The following PRKCH variants were observed in gnomAD, a reference collection of about 807,000 sequenced individuals.
PRKCH encodes protein kinase C eta.
Under a neutral mutation model 82.5 loss-of-function variants are expected in PRKCH, and 28 were observed. The ratio of observed to expected loss-of-function variants is 0.34; its 90% confidence interval spans 0.25 to 0.47. The LOEUF (loss-of-function observed/expected upper bound fraction) is 0.47, where lower values mean the gene tolerates loss of function less well. Among genes scored for constraint, PRKCH ranks in the 20% least tolerant of loss-of-function variants. The pLI is 1.00. For synonymous variants in PRKCH, 322 were observed against 327.4 expected (o/e 0.98, Z 0.18); for missense variants, 705 against 881.8 (o/e 0.80, Z 2.54).
At chr14:61,409,150 C>A (rs1456706163) in intron 2 of PRKCH, among the ~76,000 whole-genome samples, 1 of 152,162 alleles carries the variant, frequency 6.6e-6, no homozygotes, top group Non-Finnish European at 1.5e-5. Flanking sequence ...CTGGTGAGGA[C>A]CGACTGTGCC....
At chr14:61,423,127 C>T (rs1882942849) in intron 2 of PRKCH, among the ~76,000 whole-genome samples, 2 of 152,182 alleles carry the variant, frequency 1.3e-5, no homozygotes, top group Admixed American at 1.3e-4. Flanking sequence ...ATCACTCTTA[C>T]ACCACAGTTG....
chr14:61,307,084 A>G (rs2045490104), intron 1 of PRKCH: 1 of 152,190 alleles, frequency 6.6e-6, no homozygotes, highest in South Asian at 2.1e-4. Context: ...CACTGGTACA[A>G]GATTTAACTT....
chr14:61,391,295 ATGAG>A lies in PRKCH; in HGVS notation c.427+9_427+12del, dbSNP rs1205492106. 1 of 1,605,106 alleles carries A rather than the reference ATGAG, an allele frequency of 6.2e-7. No homozygotes were observed. Among genetic ancestry groups the A allele is most frequent in the South Asian group, 1.1e-5 (1 of 89,430 alleles). ...ACCGGGAGTTTCACTGAAGGTAAGA[ATGAG>A]TTTTGGGTAGTTTCCAGAATACATG... On this transcript the variant is annotated splice_region_variant and intron_variant, in intron 2 of 13. Coordinates refer to ENST00000332981, the MANE Select transcript of PRKCH (RefSeq NM_006255.5).
chr14:61,208,581 G>A (rs1219791061), intron 1 of PRKCH, among the ~76,000 whole-genome samples: 1 of 152,116 alleles, frequency 6.6e-6, no homozygotes, highest in Non-Finnish European at 1.5e-5. Flanking sequence ...TAATTTTAAA[G>A]GTGAAAGTCT....
rs114587398 is a variant in PRKCH, at chr14:61,524,730, C to T, written c.1434-4345C>T. ...TTGTTTGAGTCACCCTCTCCATGTT[C>T]TGCTCTTCCGTTTGGATGCAAGCCA... On this transcript the variant is annotated intron_variant, in intron 10 of 13. Coordinates refer to ENST00000332981, the MANE Select transcript of PRKCH (RefSeq NM_006255.5). 1.4e-3 allele frequency among the ~76,000 whole-genome samples: 220 copies of T among 152,304 alleles called. 3 individuals are homozygous for T. The highest frequency in any genetic ancestry group is 5.2e-3 in the African/African-American group (215 of 41,558).
intron 1 of PRKCH, among the ~76,000 whole-genome samples, chr14:61,350,921 G>A (rs945619141): frequency 5.9e-5 from 9 of 152,148 alleles, no homozygotes; most frequent in African/African-American, 2.2e-4. Context: ...GACTCTCCTT[G>A]TAAGTGCCAG....
intron 9 of PRKCH, among the ~76,000 whole-genome samples, chr14:61,480,961 T>G (rs1369531430): frequency 6.6e-6 from 1 of 152,002 alleles, no homozygotes; most frequent in Non-Finnish European, 1.5e-5. Flanking sequence ...CCCTCATCCT[T>G]CTAGGCTGGG....
chr14:61,513,740 C>T (rs190911663), intron 10 of PRKCH, among the ~76,000 whole-genome samples: 19 of 152,142 alleles, frequency 1.2e-4, no homozygotes, highest in Non-Finnish European at 1.8e-4. Context: ...GTCATACTGT[C>T]AAATAGTTTC....
chr14:61,503,482 G>A (rs968333778), intron 10 of PRKCH, among the ~76,000 whole-genome samples: 6 of 152,142 alleles, frequency 3.9e-5, no homozygotes, highest in Non-Finnish European at 8.8e-5. Flanking sequence ...ACGCTCAACA[G>A]AGCTTGAGCG....
intron 10 of PRKCH, among the ~76,000 whole-genome samples, chr14:61,523,485 G>A (rs1312390947): frequency 6.6e-6 from 1 of 152,156 alleles, no homozygotes; most frequent in Non-Finnish European, 1.5e-5. Context: ...CCTTGGAGGT[G>A]AGCAGAAGTA....
chr14:61,529,348 C>T, intron 11 of PRKCH, 135 bp downstream of exon 11: 1 of 1,014,914 alleles, frequency 9.9e-7, no homozygotes. Flanking sequence ...CACCTCTAGA[C>T]TCATTTATGG....
At chr14:61,284,595 G>A (rs939399605) in intron 1 of PRKCH, among the ~76,000 whole-genome samples, 2 of 152,138 alleles carry the variant, frequency 1.3e-5, no homozygotes, top group African/African-American at 4.8e-5. Context: ...ATACATTGTC[G>A]TGTTCCTCAG....
At chr14:61,192,225 CT>C (rs1285932649) in intron 1 of PRKCH, among the ~76,000 whole-genome samples, 1 of 152,156 alleles carries the variant, frequency 6.6e-6, no homozygotes, top group East Asian at 1.9e-4. Flanking sequence ...GATTTTCCCT[CT>C]CTATTCAATT....
intron 1 of PRKCH, among the ~76,000 whole-genome samples, chr14:61,261,530 A>T (rs2045043512): frequency 6.6e-6 from 1 of 152,202 alleles, no homozygotes; most frequent in African/African-American, 2.4e-5. Flanking sequence ...TTGGGCTCAC[A>T]CTTTACCCAA....
At chr14:61,455,553 CG>C (rs1207793895) in intron 7 of PRKCH, among the ~76,000 whole-genome samples, 1 of 152,042 alleles carries the variant, frequency 6.6e-6, no homozygotes, top group Non-Finnish European at 1.5e-5. Flanking sequence ...CAATATTGTG[CG>C]GGGATTGCTA....
At chr14:61,347,812 C>T (rs1183124410) in intron 1 of PRKCH, 6 of 152,474 alleles carry the variant, frequency 3.9e-5, no homozygotes, top group Non-Finnish European at 5.9e-5. Flanking sequence ...TGACTTCATT[C>T]GGTCAGTGAG....
chr14:61,194,378 A>T (rs767321121), intron 1 of PRKCH, among the ~76,000 whole-genome samples: 4 of 152,172 alleles, frequency 2.6e-5, no homozygotes, highest in Admixed American at 1.3e-4. Flanking sequence ...TTGGGGGGCA[A>T]TTAGGTCAGG....
intron 1 of PRKCH, among the ~76,000 whole-genome samples, chr14:61,330,764 G>A (rs2045773765): frequency 6.6e-6 from 1 of 152,112 alleles, no homozygotes; most frequent in Non-Finnish European, 1.5e-5. Flanking sequence ...TTGGACCTGG[G>A]ACATTTTAAA....
At chr14:61,404,248 T>TG (rs11446408) in intron 2 of PRKCH, among the ~76,000 whole-genome samples, 151,846 of 152,306 alleles carry the variant, frequency 1, 75,697 homozygotes, top group Middle Eastern at 1. Context: ...ATGGGGAGTG[T>TG]GGGCATGGAC....
Sources: gnomAD v4.1 joint callset for allele counts (sites outside exome capture counted in the v4.1 genomes callset) on GRCh38, gnomAD v4.1.1 for gene constraint, MANE v1.5 for transcripts, NCBI Gene and HGNC (gene_info 2026-07-23, HGNC 2026-07-21) for gene names.